TOP2A: variants seen among roughly 807,000 people sequenced by gnomAD.
TOP2A encodes the protein DNA topoisomerase II alpha, also known as DNA topoisomerase 2-alpha.
Under a neutral mutation model 187.2 loss-of-function variants are expected in TOP2A, and 68 were observed. That is an observed-to-expected ratio of 0.36 (90% CI 0.30 to 0.44). The LOEUF is 0.44. Ranked by LOEUF, TOP2A falls within the 20% of genes least tolerant of loss-of-function variation. The probability of loss-of-function intolerance (pLI) is 1.00; values close to 1 mark genes in which losing one functional copy is unlikely to be tolerated. For synonymous variants in TOP2A, 542 were observed against 593.2 expected (o/e 0.91, Z 1.25); for missense variants, 1,196 against 1,808.7 (o/e 0.66, Z 6.14).
intron 32 of TOP2A, 52 bp from the exon 33 acceptor site, chr17:40,391,692 T>C: frequency 6.8e-7 from 1 of 1,471,572 alleles, no homozygotes; most frequent in Admixed American, 2.8e-5. Context: ...CACATGAAAA[T>C]CCATTTTCTG....
At chr17:40,393,945 C>A (rs1002076267) in intron 29 of TOP2A, among the ~76,000 whole-genome samples, 2 of 151,502 alleles carry the variant, frequency 1.3e-5, no homozygotes, top group Non-Finnish European at 2.9e-5. Flanking sequence ...AATCCCAGCT[C>A]CTCGGGAGGC....
intron 29 of TOP2A, among the ~76,000 whole-genome samples, chr17:40,394,304 T>G (rs1482122735): frequency 1.3e-5 from 2 of 152,106 alleles, no homozygotes; most frequent in Non-Finnish European, 2.9e-5. Flanking sequence ...ATTAAAACTG[T>G]TTGTCTATAC....
chr17:40,394,199 C>T, intron 29 of TOP2A, among the ~76,000 whole-genome samples: 1 of 152,070 alleles, frequency 6.6e-6, no homozygotes, highest in Admixed American at 6.6e-5. Context: ...GGAAATGCCC[C>T]TAGATTTTTT....
rs1410779848 is a variant in TOP2A, at chr17:40,412,788, T to G, written c.760A>C (p.Lys254Gln). The change falls in exon 7 of 35, where the codon AAA becomes CAA. Residue 254 changes from lysine (K) to glutamine (Q), a missense_variant. By Grantham distance (53) the Lys-to-Gln change is moderately conservative. Coordinates refer to ENST00000423485, the MANE Select transcript of TOP2A (RefSeq NM_001067.4). ...YDIAGSTKDV[K>Q]VFLNGNKLPV... ...AGTTTATTTCCATTAAGAAAGACTT[T>G]GACATCTTTGGTGGATCCAGCAATA... 1 of 1,613,830 alleles carries G rather than the reference T, an allele frequency of 6.2e-7. No individual in the cohort carries two copies. Among genetic ancestry groups the G allele is most frequent in the Admixed American group, 1.7e-5 (1 of 60,004 alleles).
intron 12 of TOP2A, 36 bp downstream of exon 12, chr17:40,407,931 T>A: frequency 6.4e-7 from 1 of 1,564,370 alleles, no homozygotes; most frequent in Non-Finnish European, 8.7e-7. Flanking sequence ...GTATTATAAA[T>A]TAGATTTAGA....
In TOP2A at chr17:40,400,389, T is replaced by C. The variant is rs1449626337; in HGVS notation, c.2820A>G (p.Leu940=). The C allele has an allele frequency of 1.2e-6, 2 of 1,613,450 alleles. No homozygotes were observed. Among genetic ancestry groups the C allele is most frequent in the Non-Finnish European group, 1.7e-6 (2 of 1,179,838 alleles). The change falls in exon 23 of 35, where the codon CTA becomes CTG. Residue 940 remains leucine (L), a synonymous_variant. Transcript: ENST00000423485. ...TCTCGGTGCCATTCAACATGGGTTC[T>C]AGAACTTGTTCTTTGTATGTCTAAA... ...TWTQTYKEQV[L]EPMLNGTEKT...
At chr17:40,397,906 G>A (rs954859772) in intron 27 of TOP2A, among the ~76,000 whole-genome samples, 5 of 150,402 alleles carry the variant, frequency 3.3e-5, no homozygotes, top group Admixed American at 6.7e-5. Flanking sequence ...AGCCTCCCAA[G>A]TAGCTGGGAT....
At chr17:40,390,667 G>A (rs971737952) in intron 33 of TOP2A, among the ~76,000 whole-genome samples, 38 of 133,360 alleles carry the variant, frequency 2.8e-4, no homozygotes, top group Non-Finnish European at 5.6e-4. Flanking sequence ...GCTCTATCTC[G>A]CCCAGGCTGG....
intron 27 of TOP2A, among the ~76,000 whole-genome samples, chr17:40,398,344 T>A (rs1457816052): frequency 1.3e-5 from 2 of 152,008 alleles, no homozygotes. Context: ...CCTCAAGTGA[T>A]CCACCCAACT....
At chr17:40,407,907 A>C in intron 12 of TOP2A, 60 bp downstream of exon 12, 5 of 1,483,346 alleles carry the variant, frequency 3.4e-6, no homozygotes, top group Non-Finnish European at 4.6e-6. Flanking sequence ...AATTAAATAT[A>C]AGCATAAAGT....
chr17:40,395,397 A>AAAC, intron 29 of TOP2A, 52 bp downstream of exon 29: 2 of 1,291,424 alleles, frequency 1.5e-6, no homozygotes, highest in Non-Finnish European at 2.2e-6. Context: ...ACTAGGTAAC[A>AAAC]AACACAATTT....
chr17:40,398,077 C>T (rs2035124623), intron 27 of TOP2A, among the ~76,000 whole-genome samples: 1 of 148,500 alleles, frequency 6.7e-6, no homozygotes, highest in Non-Finnish European at 1.5e-5. Flanking sequence ...CGCACCCGGC[C>T]TTGTATTCTA....
rs2035022805 is a variant in TOP2A at position 40,391,591 on chromosome 17, A to T, written c.4182T>A (p.Pro1394=). 6.2e-7 allele frequency: 1 copy of T among 1,612,396 alleles called. No homozygotes were observed. The highest frequency in any genetic ancestry group is 8.5e-7 in the Non-Finnish European group (1 of 1,179,160). Residue 1394 remains proline, a synonymous_variant, in exon 33 of 35, where the codon CCT becomes CCA. Transcript: ENST00000423485. Reference sequence around the variant, plus strand: ...TTTCATCTGGGAAATGTGTAGCAGGAGGGCTTGAAGACAGTGGTACACTGC... The same window carrying T: ...TTTCATCTGGGAAATGTGTAGCAGGTGGGCTTGAAGACAGTGGTACACTGC... ...VKGSVPLSSS[P]PATHFPDETE...
intron 16 of TOP2A, among the ~76,000 whole-genome samples, chr17:40,405,686 G>A (rs190381067): frequency 1.5e-3 from 227 of 151,888 alleles, no homozygotes; most frequent in African/African-American, 5.3e-3. Context: ...AGCCAGGATG[G>A]TCTCCATCTC....
Position 40,395,519 on chromosome 17 carries a change from G to T in TOP2A, c.3741C>A (p.Ser1247Arg), listed in dbSNP as rs757251002. The change falls in exon 29 of 35, where the codon AGC becomes AGA. Residue 1247 changes from serine to arginine, a missense_variant. This residue lies in a region of TOP2A where 374 missense variants were observed against 403.3 expected (regional missense o/e 0.93). Coordinates refer to ENST00000423485, the MANE Select transcript of TOP2A (RefSeq NM_001067.4). ...KKIKNENTEG[S>R]PQEDGVELEG... ...CTAGTTCCACACCATCTTCTTGAGG[G>T]CTTCCTTCAGTATTTTCATTCTAAA... 91 of 1,609,850 alleles carry T rather than the reference G, an allele frequency of 5.7e-5. No individual in the cohort carries two copies. The highest frequency in any genetic ancestry group is 7.2e-5 in the Non-Finnish European group (85 of 1,177,298).
Position 40,404,490 on chromosome 17 carries a change from T to C in TOP2A, c.2048A>G (p.Asp683Gly). 2 of 1,560,930 alleles carry C rather than the reference T, an allele frequency of 1.3e-6. No individual in the cohort carries two copies. Among genetic ancestry groups the C allele is most frequent in the Middle Eastern group, 1.7e-4 (1 of 5,868 alleles). Residue 683 changes from aspartate (D) to glycine (G), a missense_variant and splice_region_variant, in exon 18 of 35, where the codon GAT becomes GGT. Coordinates refer to ENST00000423485, the MANE Select transcript of TOP2A (RefSeq NM_001067.4). The stretch of plus-strand genomic sequence containing the variant: ...TGTGGTAGTTTGTCCATACAAGTAA[T>C]CCTGAAGGACCAAATAGTATTACAT... ...RQRKLLGLPE[D>G]YLYGQTTTYL...
At chr17:40,391,293 T>C in intron 33 of TOP2A, 2 of 489,048 alleles carry the variant, frequency 4.1e-6, no homozygotes, top group Non-Finnish European at 3.5e-6. Flanking sequence ...GAGTTTGATC[T>C]GTAACTGAAC....
chr17:40,410,101 A>T (rs116946865), intron 10 of TOP2A: 2,088 of 161,296 alleles, frequency 0.013, 24 homozygotes, highest in Non-Finnish European at 0.019. Context: ...AAAAAGACAG[A>T]AATAAAATAA....
chr17:40,417,260 T>G (rs1464087933), intron 1 of TOP2A, among the ~76,000 whole-genome samples: 1 of 152,080 alleles, frequency 6.6e-6, no homozygotes, highest in Non-Finnish European at 1.5e-5. Context: ...CACGACACCG[T>G]AAATAATTCT....
Sources: allele counts gnomAD v4.1 joint callset (sites outside exome capture counted in the v4.1 genomes callset), GRCh38; gene constraint gnomAD v4.1.1; regional missense constraint gnomAD v4.1.1; transcripts MANE v1.5; gene names NCBI Gene and HGNC (gene_info 2026-07-23, HGNC 2026-07-21).